NXPH1: variants seen among roughly 807,000 people sequenced by gnomAD.
NXPH1 encodes the protein neurexophilin-1.
A neutral mutation model predicts 23.7 loss-of-function variants in NXPH1; 5 were observed. The observed-to-expected ratio is 0.21, with a 90% CI of 0.11 to 0.44. The LOEUF (loss-of-function observed/expected upper bound fraction) is 0.44. Among genes scored for constraint, NXPH1 ranks in the 20% least tolerant of loss-of-function variants. The probability of loss-of-function intolerance (pLI) is 0.99; values close to 1 mark genes in which losing one functional copy is unlikely to be tolerated. For synonymous variants in NXPH1, 144 were observed against 122.2 expected, an observed-to-expected ratio of 1.18 and a Z score of -1.18; for missense variants, 324 against 321.6, an observed-to-expected ratio of 1.01 and a Z score of -0.06.
intron 2 of NXPH1, among the ~76,000 whole-genome samples, chr7:8,576,110 A>T (rs1282456344): frequency 2.6e-5 from 4 of 152,210 alleles, no homozygotes; most frequent in Non-Finnish European, 4.4e-5. Context: ...GAACTGATGA[A>T]GAGAGATATG....
At chr7:8,608,843 G>T (rs1331825971) in intron 2 of NXPH1, among the ~76,000 whole-genome samples, 1 of 152,092 alleles carries the variant, frequency 6.6e-6, no homozygotes, top group Non-Finnish European at 1.5e-5. Flanking sequence ...CATATTGTAA[G>T]TACTGACAGG....
At chr7:8,500,713 C>T (rs1420914490) in intron 2 of NXPH1, among the ~76,000 whole-genome samples, 1 of 152,044 alleles carries the variant, frequency 6.6e-6, no homozygotes, top group Non-Finnish European at 1.5e-5. Flanking sequence ...TGTCTGTAAC[C>T]ACTGGAACCA....
At chr7:8,602,018 G>C (rs191904911) in intron 2 of NXPH1, among the ~76,000 whole-genome samples, 1 of 152,200 alleles carries the variant, frequency 6.6e-6, no homozygotes, top group Admixed American at 6.5e-5. Context: ...ATATGTTATA[G>C]TAATAATAAT....
chr7:8,481,718 G>A (rs1184107429), intron 2 of NXPH1, among the ~76,000 whole-genome samples: 1 of 152,042 alleles, frequency 6.6e-6, no homozygotes, highest in East Asian at 1.9e-4. Flanking sequence ...GCATATGCAG[G>A]TTTGTTACCT....
intron 2 of NXPH1, among the ~76,000 whole-genome samples, chr7:8,677,654 G>T (rs116108598): frequency 0.019 from 2,944 of 152,104 alleles, 60 homozygotes; most frequent in African/African-American, 0.043. Flanking sequence ...AAGAAAGAAA[G>T]AAACCTTCCT....
chr7:8,435,567 G>A lies in NXPH1; in HGVS notation c.-110-37G>A. On this transcript the variant is annotated intron_variant, in intron 1 of 2. Coordinates refer to ENST00000405863, the MANE Select transcript of NXPH1 (RefSeq NM_152745.3). This position sits in a 1 kb window ranked among gnomAD's most constrained non-coding sequence, Gnocchi z 5.9. ...TTGATTGTCAAGCCTAACCTTGCCCGCGTAGTCATGGGATGTCTAATTTTA... is the reference window on the plus strand; with the variant it reads ...TTGATTGTCAAGCCTAACCTTGCCCACGTAGTCATGGGATGTCTAATTTTA... 1 of 686,254 alleles carries A rather than the reference G, an allele frequency of 1.5e-6. No homozygotes were observed. Among genetic ancestry groups the A allele is most frequent in the East Asian group, 2.7e-5 (1 of 36,430 alleles). The allele number at this position is 686,254 out of a possible 1,614,324, so 42.5% of individuals were successfully genotyped here. A position where few individuals can be genotyped will look rare whatever the true frequency, so the allele number is the denominator to read the frequency against.
intron 2 of NXPH1, among the ~76,000 whole-genome samples, chr7:8,486,333 G>A (rs544424898): frequency 6.6e-6 from 1 of 152,228 alleles, no homozygotes; most frequent in Admixed American, 6.5e-5. Flanking sequence ...TAGGAAGCAA[G>A]GCCTTGGTTC....
intron 2 of NXPH1, among the ~76,000 whole-genome samples, chr7:8,556,922 C>T (rs963250388): frequency 4.6e-5 from 7 of 151,598 alleles, no homozygotes; most frequent in East Asian, 2.0e-4. Flanking sequence ...TATTCCTGTC[C>T]CCATTCCAGA....
chr7:8,457,822 T>C (rs1816625763), intron 2 of NXPH1, among the ~76,000 whole-genome samples: 1 of 152,146 alleles, frequency 6.6e-6, no homozygotes, highest in Admixed American at 6.5e-5. Context: ...ATTTCTGTCA[T>C]CTTTGTTGCC....
chr7:8,502,422 G>C (rs1372859805), intron 2 of NXPH1, among the ~76,000 whole-genome samples: 1 of 151,722 alleles, frequency 6.6e-6, no homozygotes, highest in Non-Finnish European at 1.5e-5. Context: ...ATTCATAAAA[G>C]TGCATATTAT....
intron 2 of NXPH1, among the ~76,000 whole-genome samples, chr7:8,493,026 G>C (rs1218780251): frequency 6.6e-6 from 1 of 152,104 alleles, no homozygotes; most frequent in East Asian, 1.9e-4. Context: ...AAACCTTCCT[G>C]ATTCATCCAC....
chr7:8,694,326 A>T (rs1020138544), intron 2 of NXPH1, among the ~76,000 whole-genome samples: 5 of 152,222 alleles, frequency 3.3e-5, no homozygotes, highest in Non-Finnish European at 7.3e-5. Context: ...GGATGCTTGT[A>T]AAAGCAACAT....
chr7:8,606,522 A>C (rs1360413234), intron 2 of NXPH1, among the ~76,000 whole-genome samples: 3 of 152,188 alleles, frequency 2.0e-5, no homozygotes, highest in Non-Finnish European at 4.4e-5. Context: ...GCTGAGCTAA[A>C]AACATAATGG....
chr7:8,569,017 A>T (rs1169500233), intron 2 of NXPH1, among the ~76,000 whole-genome samples: 1 of 151,926 alleles, frequency 6.6e-6, no homozygotes, highest in South Asian at 2.1e-4. Context: ...TTGACAATAT[A>T]AGTCTATGAA....
At chr7:8,492,582 G>A (rs1287504958) in intron 2 of NXPH1, among the ~76,000 whole-genome samples, 1 of 152,006 alleles carries the variant, frequency 6.6e-6, no homozygotes, top group Non-Finnish European at 1.5e-5. Context: ...CTGACTTCAT[G>A]GAGCTTACAC....
chr7:8,634,466 T>G (rs922152136), intron 2 of NXPH1, among the ~76,000 whole-genome samples: 2 of 152,150 alleles, frequency 1.3e-5, no homozygotes, highest in African/African-American at 2.4e-5. Flanking sequence ...CTTGGGTATT[T>G]CTTCAAAGCA....
intron 2 of NXPH1, among the ~76,000 whole-genome samples, chr7:8,472,228 A>T (rs1199810752): frequency 6.6e-6 from 1 of 152,094 alleles, no homozygotes; most frequent in Non-Finnish European, 1.5e-5. Context: ...CTTCTGTTTG[A>T]CTTTGTTCAA....
chr7:8,582,287 G>C (rs934912127), intron 2 of NXPH1, among the ~76,000 whole-genome samples: 1 of 152,190 alleles, frequency 6.6e-6, no homozygotes, highest in African/African-American at 2.4e-5. Flanking sequence ...CCACAGTATG[G>C]TGAGTGGGGT....
At chr7:8,440,439 G>A (rs1176993037) in intron 2 of NXPH1, among the ~76,000 whole-genome samples, 4 of 152,154 alleles carry the variant, frequency 2.6e-5, no homozygotes, top group Admixed American at 2.6e-4. Context: ...CATTAAATTC[G>A]TGGCTCCTCT....
Sources: gnomAD v4.1 joint callset for allele counts (sites outside exome capture counted in the v4.1 genomes callset) on GRCh38, gnomAD v4.1.1 for gene constraint, Gnocchi (gnomAD v3.1) non-coding constraint, MANE v1.5 for transcripts, NCBI Gene and HGNC (gene_info 2026-07-23, HGNC 2026-07-21) for gene names.